PCDH15: variants seen among roughly 807,000 people sequenced by gnomAD.
PCDH15 encodes the protein protocadherin related 15, also known as protocadherin-15.
A neutral mutation model predicts 178.5 loss-of-function variants in PCDH15; 129 were observed. The observed-to-expected ratio is 0.72, with a 90% CI of 0.63 to 0.84. The LOEUF is 0.84. PCDH15 is among the 40% of genes least tolerant of loss of function. PCDH15 has a pLI of 0.00. For synonymous variants in PCDH15, 800 were observed against 732.0 expected (o/e 1.09, Z -1.50); for missense variants, 2,230 against 2,099.9 (o/e 1.06, Z -1.21).
chr10:54,729,452 A>G (rs1366688731), intron 1 of PCDH15, among the ~76,000 whole-genome samples: 2 of 151,660 alleles, frequency 1.3e-5, no homozygotes. Flanking sequence ...AACTATGAAA[A>G]TTCTTGAAGA....
chr10:55,483,718 A>C (rs1840235021), intron 2 of PCDH15, among the ~76,000 whole-genome samples: 1 of 151,474 alleles, frequency 6.6e-6, no homozygotes, highest in Admixed American at 6.6e-5. Context: ...TTGGAGGCTA[A>C]GGCAGGAGAA....
At chr10:54,734,282 T>A (rs969314057) in intron 1 of PCDH15, among the ~76,000 whole-genome samples, 1 of 151,850 alleles carries the variant, frequency 6.6e-6, no homozygotes, top group Non-Finnish European at 1.5e-5. Flanking sequence ...AGAAGAAATA[T>A]GGACTGCAAC....
At chr10:55,013,037 C>T (rs749513446) in intron 2 of PCDH15, among the ~76,000 whole-genome samples, 3 of 152,122 alleles carry the variant, frequency 2.0e-5, no homozygotes, top group Non-Finnish European at 2.9e-5. Flanking sequence ...TCTCAAATAT[C>T]ATGGTTGGGA....
chr10:54,626,979 T>C (rs568588475), intron 2 of PCDH15, among the ~76,000 whole-genome samples: 7 of 152,294 alleles, frequency 4.6e-5, no homozygotes, highest in African/African-American at 1.7e-4. Flanking sequence ...AAGGAGATGA[T>C]TTTGGAGCTT....
intron 3 of PCDH15, among the ~76,000 whole-genome samples, chr10:54,418,275 T>A (rs1369678780): frequency 2.0e-5 from 3 of 152,200 alleles, no homozygotes; most frequent in Non-Finnish European, 4.4e-5. Context: ...TATATTATTT[T>A]GACTGTTTGT....
In PCDH15 at chr10:54,214,405, G is replaced by T. The variant is rs2051776295; in HGVS notation, c.986-357C>A. 2.0e-5 allele frequency among the ~76,000 whole-genome samples: 3 copies of T among 151,946 alleles called. No individual in the cohort carries two copies. The South Asian group carries it at 6.3e-4, about 32-fold the overall frequency. ...GCATAAATCTTAATTATAACTGTTT[G>T]GTCTTTCAACATATATTGTAATAAA... On this transcript the variant is annotated intron_variant, in intron 9 of 37. Coordinates refer to ENST00000644397, the MANE Select transcript of PCDH15 (RefSeq NM_001384140.1).
intron 2 of PCDH15, among the ~76,000 whole-genome samples, chr10:55,495,556 A>G (rs1840513976): frequency 6.6e-6 from 1 of 151,898 alleles, no homozygotes; most frequent in South Asian, 2.1e-4. Flanking sequence ...AAATAGCTTC[A>G]TATCCACTAG....
intron 20 of PCDH15, among the ~76,000 whole-genome samples, chr10:54,019,584 C>A (rs1356268634): frequency 6.6e-6 from 1 of 151,992 alleles, no homozygotes; most frequent in Admixed American, 6.6e-5. Context: ...TCTTAAAAAT[C>A]ACTAGAAATT....
In PCDH15 at chr10:53,808,924, C is replaced by G. The variant is rs768873162; in HGVS notation, c.4671+1632G>C. 1.0e-5 allele frequency: 16 copies of G among 1,568,220 alleles called. No homozygotes were observed. The South Asian group carries it at 1.8e-4, about 17-fold the overall frequency. ...GATATCTTGAGCTTCAGGGTCTGTA[C>G]TTTCTTCCACAGGGGCTGGTCCACT... On this transcript the variant is annotated intron_variant, in intron 37 of 37. Coordinates refer to ENST00000644397, the MANE Select transcript of PCDH15 (RefSeq NM_001384140.1).
chr10:54,928,130 G>C (rs980730337), intron 2 of PCDH15, among the ~76,000 whole-genome samples: 1 of 152,038 alleles, frequency 6.6e-6, no homozygotes, highest in Non-Finnish European at 1.5e-5. Flanking sequence ...AGGCAGGTCT[G>C]GTGGTAACAA....
At chr10:55,314,589 A>AG in intron 1 of PCDH15, among the ~76,000 whole-genome samples, 1 of 151,642 alleles carries the variant, frequency 6.6e-6, no homozygotes, top group Non-Finnish European at 1.5e-5. Flanking sequence ...CAAAAAAAAA[A>AG]ATTCCAACTG....
At chr10:54,415,321 GATCA>G (rs1342026465) in intron 3 of PCDH15, among the ~76,000 whole-genome samples, 1 of 151,634 alleles carries the variant, frequency 6.6e-6, no homozygotes, top group African/African-American at 2.4e-5. Flanking sequence ...AAAGTTTCAA[GATCA>G]ATTAAAAAAT....
chr10:55,088,977 GA>G (rs1386161717), intron 2 of PCDH15, among the ~76,000 whole-genome samples: 1 of 151,990 alleles, frequency 6.6e-6, no homozygotes, highest in African/African-American at 2.4e-5. Flanking sequence ...CTGTTTGGGA[GA>G]AATATATATT....
At chr10:54,853,285 GTGTGTA>G (rs1953662958) in intron 3 of PCDH15, among the ~76,000 whole-genome samples, 1 of 85,288 alleles carries the variant, frequency 1.2e-5, no homozygotes, top group Admixed American at 1.1e-4. Context: ...GTGTATGTAT[GTGTGTA>G]TATATATATA....
At chr10:54,666,019 T>C (rs1014758365) in intron 1 of PCDH15, among the ~76,000 whole-genome samples, 1 of 152,064 alleles carries the variant, frequency 6.6e-6, no homozygotes, top group African/African-American at 2.4e-5. Flanking sequence ...AAATAGCATC[T>C]TTGTCTCACA....
intron 2 of PCDH15, among the ~76,000 whole-genome samples, chr10:55,024,176 T>G (rs867478267): frequency 4.1e-5 from 6 of 146,618 alleles, no homozygotes; most frequent in Admixed American, 1.4e-4. Context: ...GGAATATATA[T>G]AGAGAGAGGA....
intron 11 of PCDH15, among the ~76,000 whole-genome samples, chr10:54,194,876 G>A (rs1006592952): frequency 6.6e-6 from 1 of 151,940 alleles, no homozygotes; most frequent in Non-Finnish European, 1.5e-5. Flanking sequence ...GCACTCAATG[G>A]GACTCTCTTT....
intron 1 of PCDH15, among the ~76,000 whole-genome samples, chr10:55,248,664 C>T (rs969200258): frequency 5.3e-5 from 8 of 152,218 alleles, no homozygotes; most frequent in African/African-American, 1.7e-4. Flanking sequence ...TCTAGTGATT[C>T]TTGTGACTCA....
chr10:54,931,095 C>A (rs962456009), intron 2 of PCDH15, among the ~76,000 whole-genome samples: 4 of 152,078 alleles, frequency 2.6e-5, no homozygotes, highest in Non-Finnish European at 4.4e-5. Flanking sequence ...CAAATAACAA[C>A]TTCATGTTTA....
Sources: allele counts gnomAD v4.1 joint callset (sites outside exome capture counted in the v4.1 genomes callset), GRCh38; gene constraint gnomAD v4.1.1; transcripts MANE v1.5; gene names NCBI Gene and HGNC (gene_info 2026-07-23, HGNC 2026-07-21).